The following CELF2 variants were observed in gnomAD, a reference collection of about 807,000 sequenced individuals.
The protein encoded by CELF2 is CUG triplet repeat RNA-binding protein 2.
A neutral mutation model predicts 62.6 loss-of-function variants in CELF2; 8 were observed. The observed-to-expected ratio is 0.13, with a 90% CI of 0.07 to 0.23. The LOEUF (loss-of-function observed/expected upper bound fraction) is 0.23. CELF2 is among the 10% of genes least tolerant of loss of function. The pLI is 1.00. For missense variants in CELF2, 333 were observed against 671.0 expected (o/e 0.50, Z 5.56); for synonymous variants, 258 against 250.0 (o/e 1.03, Z -0.30).
chr10:11,304,816 T>A (rs1188167515), intron 9 of CELF2, among the ~76,000 whole-genome samples: 1 of 152,134 alleles, frequency 6.6e-6, no homozygotes, highest in African/African-American at 2.4e-5. Flanking sequence ...TCTACAATTT[T>A]CTCTTTGCCA....
chr10:10,482,154 A>C, the CELF2 span, among the ~76,000 whole-genome samples: 2 of 152,210 alleles, frequency 1.3e-5, no homozygotes, highest in African/African-American at 4.8e-5. Flanking sequence ...CCATTTTGGA[A>C]ATTGTTGATT....
chr10:11,084,458 G>T (rs1410703308), intron 1 of CELF2, among the ~76,000 whole-genome samples: 1 of 152,174 alleles, frequency 6.6e-6, no homozygotes, highest in African/African-American at 2.4e-5. Flanking sequence ...CAGGCTTTGG[G>T]GTGCTGAGTG....
chr10:11,304,329 C>G lies in CELF2; in HGVS notation c.977-9810C>G, dbSNP rs541369479. On this transcript the variant is annotated intron_variant, in intron 9 of 12. Coordinates refer to ENST00000633077, the MANE Select transcript of CELF2 (RefSeq NM_001326342.2). ...TGATTCCTTCTTCCATTTACAAAAA[C>G]CCACCCAGACCATCCACAATAACCT... Among the ~76,000 whole-genome samples the G allele has an allele frequency of 5.6e-4, 86 of 152,298 alleles. 1 individual carries two copies. The highest frequency in any genetic ancestry group is 1.9e-3 in the African/African-American group (80 of 41,568).
At chr10:10,554,240 C>T in the CELF2 span, among the ~76,000 whole-genome samples, 1 of 152,268 alleles carries the variant, frequency 6.6e-6, no homozygotes, top group African/African-American at 2.4e-5. Context: ...CTGGGAGAAG[C>T]ATCTGGCCCA....
chr10:10,628,659 A>G, the CELF2 span, among the ~76,000 whole-genome samples: 1 of 152,116 alleles, frequency 6.6e-6, no homozygotes, highest in Non-Finnish European at 1.5e-5. Context: ...CATGGTGTAT[A>G]TGTGCCACAT....
At chr10:10,652,902 A>G in the CELF2 span, among the ~76,000 whole-genome samples, 4 of 152,190 alleles carry the variant, frequency 2.6e-5, no homozygotes, top group East Asian at 1.9e-4. Flanking sequence ...AAATTCTCCA[A>G]TTAAAAGACA....
intron 2 of CELF2, among the ~76,000 whole-genome samples, chr10:11,173,902 T>C (rs535842322): frequency 6.6e-6 from 1 of 152,260 alleles, no homozygotes; most frequent in South Asian, 2.1e-4. Context: ...TAGCGACAGA[T>C]TGACATAGGT....
intron 1 of CELF2, among the ~76,000 whole-genome samples, chr10:10,829,915 C>T (rs2057705255): frequency 6.6e-6 from 1 of 152,162 alleles, no homozygotes; most frequent in African/African-American, 2.4e-5. Context: ...GATGTCATCT[C>T]ATTTTTAACA....
chr10:10,914,881 C>A (rs11256904), intron 1 of CELF2, among the ~76,000 whole-genome samples: 11,560 of 152,116 alleles, frequency 0.076, 1,062 homozygotes, highest in African/African-American at 0.22. Flanking sequence ...ATAATCCCAG[C>A]ACTTTGGGAG....
intron 2 of CELF2, among the ~76,000 whole-genome samples, chr10:10,924,552 G>A (rs1461417980): frequency 6.6e-6 from 1 of 152,086 alleles, no homozygotes; most frequent in African/African-American, 2.4e-5. Context: ...GATGTTCTTT[G>A]AGGACCACGA....
At chr10:11,295,719 C>T (rs922803013) in intron 9 of CELF2, among the ~76,000 whole-genome samples, 3 of 152,168 alleles carry the variant, frequency 2.0e-5, no homozygotes, top group Non-Finnish European at 2.9e-5. Flanking sequence ...GAAAGTTCTT[C>T]GGCATGTAAG....
At chr10:10,687,848 G>T in the CELF2 span, among the ~76,000 whole-genome samples, 1 of 152,198 alleles carries the variant, frequency 6.6e-6, no homozygotes, top group Admixed American at 6.5e-5. Flanking sequence ...TGAGGCATGA[G>T]AAAGAAAAAT....
At chr10:11,038,318 C>A (rs941277258) in intron 1 of CELF2, among the ~76,000 whole-genome samples, 4 of 152,160 alleles carry the variant, frequency 2.6e-5, no homozygotes, top group Non-Finnish European at 4.4e-5. Flanking sequence ...GCCCTATATT[C>A]CTAAGAGAAA....
intron 2 of CELF2, among the ~76,000 whole-genome samples, chr10:11,208,828 A>G (rs1382040992): frequency 2.0e-5 from 3 of 152,178 alleles, no homozygotes; most frequent in Admixed American, 6.5e-5. Flanking sequence ...GGAGGGGGTC[A>G]GAGAGAAACT....
the CELF2 span, among the ~76,000 whole-genome samples, chr10:10,588,125 G>A: frequency 1.3e-5 from 2 of 151,972 alleles, no homozygotes; most frequent in Non-Finnish European, 2.9e-5. Context: ...TGAGCCAGCA[G>A]GCCTAAAATT....
chr10:10,857,529 A>G (rs536093101), intron 1 of CELF2, among the ~76,000 whole-genome samples: 51 of 151,676 alleles, frequency 3.4e-4, no homozygotes, highest in African/African-American at 1.1e-3. Context: ...AAACAGTGTG[A>G]TATTTAAAAT....
chr10:10,959,649 A>C (rs10905873), intron 2 of CELF2, among the ~76,000 whole-genome samples: 6,272 of 152,312 alleles, frequency 0.041, 155 homozygotes, highest in Non-Finnish European at 0.068. Context: ...CAAAGCATGG[A>C]ATATGCTTTC....
At chr10:10,953,832 T>C (rs925655715) in intron 2 of CELF2, among the ~76,000 whole-genome samples, 1 of 137,506 alleles carries the variant, frequency 7.3e-6, no homozygotes, top group Admixed American at 7.2e-5. Flanking sequence ...AAAAAAAAAA[T>C]GACAAACCAG....
At chr10:11,162,667 A>G (rs1004199484) in intron 1 of CELF2, among the ~76,000 whole-genome samples, 1 of 152,206 alleles carries the variant, frequency 6.6e-6, no homozygotes, top group Non-Finnish European at 1.5e-5. Context: ...AGTGATGACC[A>G]AAATACACAT....
Sources: gnomAD v4.1 joint callset for allele counts (sites outside exome capture counted in the v4.1 genomes callset) on GRCh38, gnomAD v4.1.1 for gene constraint, MANE v1.5 for transcripts, NCBI Gene and HGNC (gene_info 2026-07-23, HGNC 2026-07-21) for gene names.